Variants in TUBD1 observed in about 807,000 individuals in gnomAD.
TUBD1 encodes tubulin delta chain.
TUBD1 carries 38 observed loss-of-function variants against 51.2 expected under a neutral mutation model. The observed-to-expected ratio is 0.74, with a 90% confidence interval of 0.57 to 0.97. The LOEUF (loss-of-function observed/expected upper bound fraction) is 0.97. Among genes scored for constraint, TUBD1 ranks in the 50% least tolerant of loss-of-function variants. The probability of loss-of-function intolerance (pLI) is 0.00; values close to 1 mark genes in which losing one functional copy is unlikely to be tolerated. For synonymous variants in TUBD1, 169 were observed against 178.2 expected, an observed-to-expected ratio of 0.95 and a Z score of 0.41; for missense variants, 489 against 538.4, an observed-to-expected ratio of 0.91 and a Z score of 0.91.
intron 5 of TUBD1, among the ~76,000 whole-genome samples, chr17:59,876,711 C>T (rs775500742): frequency 6.6e-6 from 1 of 151,906 alleles, no homozygotes; most frequent in African/African-American, 2.4e-5. Context: ...AGGCTGGCTT[C>T]GAACTCCTGG....
intron 6 of TUBD1, among the ~76,000 whole-genome samples, chr17:59,866,958 A>T (rs1438090915): frequency 6.6e-6 from 1 of 151,880 alleles, no homozygotes; most frequent in Non-Finnish European, 1.5e-5. Flanking sequence ...ACGCCCAGCT[A>T]ATTTTTTTGT....
At chr17:59,867,831 T>G (rs543603819) in intron 6 of TUBD1, among the ~76,000 whole-genome samples, 74 of 152,146 alleles carry the variant, frequency 4.9e-4, no homozygotes, top group African/African-American at 1.6e-3. Context: ...CAGAGAACAG[T>G]AGTCAGCCTC....
rs1327857825 is a variant in TUBD1 at position 59,859,501 on chromosome 17, A to G, written c.*821T>C. On this transcript the variant is annotated 3_prime_UTR_variant, in exon 9 of 9. Coordinates refer to ENST00000325752, the MANE Select transcript of TUBD1 (RefSeq NM_016261.4). Reference sequence around the variant, plus strand: ...CTATTTACTTTTGTACTTAAGCATAAGCATTTATTACCAAAATCCTCATAT... The same window carrying G: ...CTATTTACTTTTGTACTTAAGCATAGGCATTTATTACCAAAATCCTCATAT... 2.0e-5 allele frequency: 3 copies of G among 152,402 alleles called. No homozygotes were observed. Among genetic ancestry groups the G allele is most frequent in the Admixed American group, 2.0e-4 (3 of 15,272 alleles). 9.4% of individuals were successfully genotyped at this position (152,402 alleles called of 1,614,324 possible).
At chr17:59,886,256 CA>C (rs1176962769) in intron 2 of TUBD1, 26 bp from the exon 3 acceptor site, 1 of 1,568,644 alleles carries the variant, frequency 6.4e-7, no homozygotes, top group East Asian at 2.3e-5. Flanking sequence ...AACCCAAAAA[CA>C]TCGAAAGAAA....
At chr17:59,865,927 A>G (rs2039677451) in intron 7 of TUBD1, among the ~76,000 whole-genome samples, 1 of 152,012 alleles carries the variant, frequency 6.6e-6, no homozygotes. Context: ...CCTGGCCAAC[A>G]TGGAGAAACC....
Position 59,874,710 on chromosome 17 carries a change from A to C in TUBD1, c.770-7T>G. The stretch of plus-strand genomic sequence containing the variant: ...AAATGCTCCATTAAGTCTCCTGTAA[A>C]GAAAAAAAAATCTGAACTAATTTTT... On this transcript the variant is annotated splice_region_variant and splice_polypyrimidine_tract_variant and intron_variant, in intron 5 of 8. Coordinates refer to ENST00000325752, the MANE Select transcript of TUBD1 (RefSeq NM_016261.4). The C allele has an allele frequency of 6.2e-7, 1 of 1,600,482 alleles. No individual in the cohort carries two copies. Among genetic ancestry groups the C allele is most frequent in the Non-Finnish European group, 8.5e-7 (1 of 1,176,964 alleles).
intron 7 of TUBD1, among the ~76,000 whole-genome samples, chr17:59,864,155 T>TA (rs200020224): frequency 4.9e-4 from 74 of 151,512 alleles, no homozygotes; most frequent in African/African-American, 1.7e-3. Context: ...GAATTATTAC[T>TA]AATTTTTTTT....
chr17:59,878,490 T>TC, intron 4 of TUBD1, 156 bp from the exon 5 acceptor site: 3 of 104,850 alleles, frequency 2.9e-5, no homozygotes, highest in Non-Finnish European at 5.6e-5. Context: ...CTCAGTTTCC[T>TC]TTTTTTTTTT....
intron 6 of TUBD1, among the ~76,000 whole-genome samples, chr17:59,871,048 C>A (rs1323066137): frequency 2.0e-5 from 3 of 152,194 alleles, no homozygotes; most frequent in Admixed American, 1.3e-4. Flanking sequence ...GGAATCAGAA[C>A]AACCTGAGAC....
intron 2 of TUBD1, 92 bp from the exon 3 acceptor site, chr17:59,886,322 CAAAA>C (rs113094238): frequency 5.7e-5 from 50 of 878,452 alleles, no homozygotes; most frequent in Non-Finnish European, 6.4e-5. Flanking sequence ...TGTCCAAATC[CAAAA>C]AAAAAAAAAA....
chr17:59,873,243 T>A (rs1486256193), intron 6 of TUBD1, among the ~76,000 whole-genome samples: 4 of 102,806 alleles, frequency 3.9e-5, no homozygotes, highest in East Asian at 5.6e-4. Flanking sequence ...TTACTTAAGT[T>A]GTTTTTTGTT....
chr17:59,878,109 G>T lies in TUBD1; in HGVS notation c.763C>A (p.Pro255Thr), dbSNP rs1305023252. The change falls in exon 5 of 9, where the codon CCA becomes ACA. Residue 255 changes from proline (P) to threonine (T), a missense_variant. Pro to Thr is a conservative substitution (Grantham distance 38). Transcript: ENST00000325752. Reference sequence around the variant, plus strand: ...CGTATAGAGGGACAAATACCTAGTGGATTTCGTCTGTAGTGAAATGAGCTT... The same window carrying T: ...CGTATAGAGGGACAAATACCTAGTGTATTTCGTCTGTAGTGAAATGAGCTT... ...AESSFHYRRN[P>T]LGDLMEHLVP... is the part of the protein sequence containing the mutation. The T allele has an allele frequency of 6.2e-7, 1 of 1,612,972 alleles. No individual in the cohort carries two copies. The highest frequency in any genetic ancestry group is 1.7e-5 in the Admixed American group (1 of 59,988).
chr17:59,887,100 T>C (rs1437583441), intron 2 of TUBD1, among the ~76,000 whole-genome samples: 2 of 152,042 alleles, frequency 1.3e-5, no homozygotes, highest in Non-Finnish European at 2.9e-5. Context: ...GCAGGAGAAT[T>C]GCTTGATCCC....
chr17:59,886,176 A>G lies in TUBD1; in HGVS notation c.227T>C (p.Met76Thr), dbSNP rs1292053. The change falls in exon 3 of 9, where the codon ATG becomes ACG. Residue 76 changes from methionine (M) to threonine (T), a missense_variant. Transcript: ENST00000325752. ...VDMEPKVINQ[M>T]LSKAAQSGQW... The stretch of plus-strand genomic sequence containing the variant: ...GCCAGACTGGGCAGCCTTTGACAGC[A>G]TTTGATTGATAACTTTGGGTTCCAT... 717,952 of 1,613,168 alleles carry G rather than the reference A, an allele frequency of 0.45. 161,267 individuals are homozygous for G. The highest frequency in any genetic ancestry group is 0.58 in the East Asian group (26,051 of 44,850).
intron 4 of TUBD1, chr17:59,878,899 T>C (rs1258734139): frequency 6.5e-6 from 1 of 152,688 alleles, no homozygotes; most frequent in African/African-American, 2.4e-5. Flanking sequence ...ATCATACTTA[T>C]CTCCTATTTC....
At position 59,866,640 on chromosome 17, in the gene TUBD1, AAGAATGACC is replaced by A; in HGVS notation, c.1035_1043del (p.Leu345_Leu348delinsPhe). 1 of 1,614,020 alleles carries A rather than the reference AAGAATGACC, an allele frequency of 6.2e-7. No individual in the cohort carries two copies. The highest frequency in any genetic ancestry group is 8.5e-7 in the Non-Finnish European group (1 of 1,179,998). ...CTGCACTTTGCACATCTTTCCCACG[AAGAATGACC>A]AAGTTAGCAATGGAAGTGTTAAAAT... On this transcript the variant is annotated inframe_deletion, in exon 7 of 9. Transcript: ENST00000325752.
intron 1 of TUBD1, among the ~76,000 whole-genome samples, chr17:59,892,357 C>G (rs1475368852): frequency 6.6e-6 from 1 of 152,160 alleles, no homozygotes; most frequent in Admixed American, 6.5e-5. Flanking sequence ...GCCTGGGCAA[C>G]ACAGCGAGAC....
At chr17:59,866,459 T>C in intron 7 of TUBD1, 150 bp downstream of exon 7, 1 of 854,440 alleles carries the variant, frequency 1.2e-6, no homozygotes, top group East Asian at 2.6e-5. Context: ...AGTCACATAC[T>C]AACTGATGCC....
chr17:59,891,111 G>A (rs2040983308), intron 1 of TUBD1, 70 bp from the exon 2 acceptor site: 1 of 820,802 alleles, frequency 1.2e-6, no homozygotes, highest in Non-Finnish European at 1.9e-6. Context: ...TGCCATGTAT[G>A]TTAATTATAC....
Sources: gnomAD v4.1 joint callset for allele counts (sites outside exome capture counted in the v4.1 genomes callset) on GRCh38, gnomAD v4.1.1 for gene constraint, MANE v1.5 for transcripts, NCBI Gene and HGNC (gene_info 2026-07-23, HGNC 2026-07-21) for gene names.